PPP2R3A: variants seen among roughly 807,000 people sequenced by gnomAD.
The protein encoded by PPP2R3A is protein phosphatase 2 regulatory subunit B''alpha.
A neutral mutation model predicts 106.9 loss-of-function variants in PPP2R3A; 80 were observed. The ratio of observed to expected loss-of-function variants is 0.75; its 90% confidence interval spans 0.62 to 0.90. The LOEUF is 0.90. Ranked by LOEUF, PPP2R3A falls within the 40% of genes least tolerant of loss-of-function variation. The pLI is 0.00. For missense variants in PPP2R3A, 1,386 were observed against 1,350.4 expected (o/e 1.03, Z -0.41); for synonymous variants, 483 against 468.3 (o/e 1.03, Z -0.41).
chr3:136,000,950 T>C (rs764065283), intron 1 of PPP2R3A, 109 bp from the exon 2 acceptor site: 11 of 386,148 alleles, frequency 2.8e-5, no homozygotes, highest in South Asian at 1.4e-4. Context: ...GTAAGGGATA[T>C]TGCAGATAAT....
At chr3:136,033,158 GT>G (rs1329447035) in intron 3 of PPP2R3A, among the ~76,000 whole-genome samples, 2 of 152,126 alleles carry the variant, frequency 1.3e-5, no homozygotes, top group Non-Finnish European at 2.9e-5. Flanking sequence ...TTTTAATTCT[GT>G]TTTTGTGGTG....
In PPP2R3A at chr3:136,138,695, A is replaced by ATTTTTTTTTTTTTTTTTTT. The variant is rs747811648; in HGVS notation, c.3330-6331_3330-6313dup. Among the ~76,000 whole-genome samples the ATTTTTTTTTTTTTTTTTTT allele has an allele frequency of 2.2e-4, 11 of 50,636 alleles. 1 individual carries two copies. The highest frequency in any genetic ancestry group is 2.8e-4 in the Non-Finnish European group (9 of 31,696). 33.2% of individuals were successfully genotyped at this position (50,636 alleles called of 152,430 possible). ...AGACTCCAAACTAGAGAAATATTGA[A>ATTTTTTTTTTTTTTTTTTT]TTTTTTTTTTTTTTTTTTTTTTTTT... is the stretch of plus-strand genomic sequence containing the variant. On this transcript the variant is annotated intron_variant, in intron 13 of 13. Coordinates refer to ENST00000264977, the MANE Select transcript of PPP2R3A (RefSeq NM_002718.5).
intron 5 of PPP2R3A, among the ~76,000 whole-genome samples, chr3:136,058,317 A>C (rs1044725809): frequency 6.6e-6 from 1 of 152,208 alleles, no homozygotes; most frequent in African/African-American, 2.4e-5. Context: ...CAACTTCAGC[A>C]AAGTCTCAGG....
At chr3:136,042,662 T>C (rs1484046939) in intron 4 of PPP2R3A, among the ~76,000 whole-genome samples, 1 of 152,194 alleles carries the variant, frequency 6.6e-6, no homozygotes, top group East Asian at 1.9e-4. Flanking sequence ...AGTCTCCATT[T>C]TGGTTAACTG....
At chr3:136,075,265 G>T (rs569139806) in intron 6 of PPP2R3A, among the ~76,000 whole-genome samples, 1 of 152,256 alleles carries the variant, frequency 6.6e-6, no homozygotes, top group African/African-American at 2.4e-5. Context: ...TATTTCACTA[G>T]CAGAAAATAG....
chr3:136,131,924 A>G (rs1938437388), intron 13 of PPP2R3A, among the ~76,000 whole-genome samples: 1 of 147,896 alleles, frequency 6.8e-6, no homozygotes, highest in African/African-American at 2.5e-5. Context: ...AGAAAACCAA[A>G]CACCGCATGT....
intron 5 of PPP2R3A, among the ~76,000 whole-genome samples, chr3:136,060,367 G>T (rs1265231825): frequency 6.6e-6 from 1 of 152,210 alleles, no homozygotes; most frequent in African/African-American, 2.4e-5. Context: ...ATATGGTTTA[G>T]CTCTGTGTCC....
At chr3:136,070,929 A>C (rs907232437) in intron 6 of PPP2R3A, among the ~76,000 whole-genome samples, 5 of 152,268 alleles carry the variant, frequency 3.3e-5, no homozygotes, top group African/African-American at 1.2e-4. Flanking sequence ...CAAAGTTAGA[A>C]CTGGACATGA....
At chr3:135,980,637 A>T (rs1937529249) in intron 1 of PPP2R3A, among the ~76,000 whole-genome samples, 1 of 151,808 alleles carries the variant, frequency 6.6e-6, no homozygotes. Context: ...ATAACCAAAA[A>T]TTTCCATAAG....
At chr3:135,973,109 A>G (rs1339356146) in intron 1 of PPP2R3A, among the ~76,000 whole-genome samples, 1 of 152,130 alleles carries the variant, frequency 6.6e-6, no homozygotes, top group East Asian at 1.9e-4. Context: ...TGAGTTAATT[A>G]TTGTATGTGA....
chr3:136,138,295 A>G (rs901452840), intron 13 of PPP2R3A, among the ~76,000 whole-genome samples: 2 of 152,160 alleles, frequency 1.3e-5, no homozygotes, highest in African/African-American at 4.8e-5. Flanking sequence ...ATAAACATGA[A>G]TTCAGACCGC....
intron 13 of PPP2R3A, among the ~76,000 whole-genome samples, chr3:136,115,338 TCTC>T: frequency 6.6e-6 from 1 of 152,034 alleles, no homozygotes; most frequent in South Asian, 2.1e-4. Context: ...GAAGGCCTCT[TCTC>T]CTCCAAAGGA....
At chr3:136,084,078 T>C (rs1936859374) in intron 8 of PPP2R3A, among the ~76,000 whole-genome samples, 1 of 152,154 alleles carries the variant, frequency 6.6e-6, no homozygotes, top group Admixed American at 6.5e-5. Flanking sequence ...GGGAGTCAAA[T>C]GCTAATCACC....
chr3:136,114,819 T>C (rs1374236502), intron 13 of PPP2R3A, among the ~76,000 whole-genome samples: 1 of 152,130 alleles, frequency 6.6e-6, no homozygotes, highest in East Asian at 1.9e-4. Flanking sequence ...TTCCCTGGGA[T>C]AGAGCATGTG....
chr3:136,078,506 A>T (rs895800563), intron 7 of PPP2R3A, 53 bp downstream of exon 7: 1 of 1,160,132 alleles, frequency 8.6e-7, no homozygotes, highest in Non-Finnish European at 1.3e-6. Context: ...TAATTTTCTT[A>T]CTTTATTTAA....
chr3:136,145,833 TA>T lies in PPP2R3A; in HGVS notation c.*671del, dbSNP rs1939096752. On this transcript the variant is annotated 3_prime_UTR_variant, in exon 14 of 14. Transcript: ENST00000264977. ...AACCTCCCTGACTGTGGATCTTATA[TA>T]AAATCTCAAGATAAAAAAACACTTC... 6.6e-6 allele frequency: 1 copy of T among 152,532 alleles called. No individual in the cohort carries two copies. Among genetic ancestry groups the T allele is most frequent in the South Asian group, 2.1e-4 (1 of 4,830 alleles). 9.4% of individuals were successfully genotyped at this position (152,532 alleles called of 1,614,324 possible). A position where few individuals can be genotyped will look rare whatever the true frequency, so the allele number is the denominator to read the frequency against.
At position 136,001,481 on chromosome 3, in the gene PPP2R3A, G is replaced by C. The variant is rs780806849; in HGVS notation, c.-18G>C. On this transcript the variant is annotated 5_prime_UTR_variant, in exon 2 of 14. Coordinates refer to ENST00000264977, the MANE Select transcript of PPP2R3A (RefSeq NM_002718.5). ...TTCTAGAAAGTTCCAAGTCCCACCAGTAAGTGGATTTGATATTATGGCAGC... is the reference window on the plus strand; with the variant it reads ...TTCTAGAAAGTTCCAAGTCCCACCACTAAGTGGATTTGATATTATGGCAGC... 3.2e-5 allele frequency: 51 copies of C among 1,597,518 alleles called. 1 individual carries two copies. The highest frequency in any genetic ancestry group is 4.0e-5 in the Non-Finnish European group (47 of 1,169,046).
intron 1 of PPP2R3A, among the ~76,000 whole-genome samples, chr3:135,970,666 C>G (rs184269574): frequency 7.9e-5 from 12 of 152,170 alleles, no homozygotes; most frequent in African/African-American, 2.9e-4. Context: ...ATGGGAGTGG[C>G]AAGTGTTGGA....
At chr3:136,121,345 T>C (rs1334129825) in intron 13 of PPP2R3A, among the ~76,000 whole-genome samples, 1 of 152,098 alleles carries the variant, frequency 6.6e-6, no homozygotes, top group Non-Finnish European at 1.5e-5. Context: ...GAAAACCAAA[T>C]ACCTTATGTT....
Sources: allele counts gnomAD v4.1 joint callset (sites outside exome capture counted in the v4.1 genomes callset), GRCh38; gene constraint gnomAD v4.1.1; transcripts MANE v1.5; gene names NCBI Gene and HGNC (gene_info 2026-07-23, HGNC 2026-07-21).